The following TVP23A variants were observed in gnomAD, a reference collection of about 807,000 sequenced individuals.
TVP23A encodes the protein trans-golgi network vesicle protein 23 homolog A.
In TVP23A, 21 loss-of-function variants were observed where a neutral mutation model predicts 31.7. That is an observed-to-expected ratio of 0.66 (90% CI 0.47 to 0.95). TVP23A has a LOEUF of 0.95. Among genes scored for constraint, TVP23A ranks in the 40% least tolerant of loss-of-function variants. The pLI is 0.00. For synonymous variants in TVP23A, 104 were observed against 96.0 expected (o/e 1.08, Z -0.49); for missense variants, 279 against 255.6 (o/e 1.09, Z -0.62).
intron 2 of TVP23A, among the ~76,000 whole-genome samples, chr16:10,801,516 G>A (rs984285296): frequency 6.6e-6 from 1 of 152,068 alleles, no homozygotes; most frequent in Non-Finnish European, 1.5e-5. Flanking sequence ...GAGTGCAGTG[G>A]CGCGATCTCA....
chr16:10,757,986 A>G (rs754624544), downstream of TVP23A: 1 of 1,614,066 alleles, frequency 6.2e-7, no homozygotes, highest in East Asian at 2.2e-5. The surrounding 1 kb of genome is among the most constrained non-coding windows in gnomAD (Gnocchi z 4.1). Flanking sequence ...GTACCTGGCC[A>G]CAGCACACAT....
chr16:10,770,185 C>T, intron 7 of TVP23A, 87 bp downstream of exon 7: 1 of 1,511,118 alleles, frequency 6.6e-7, no homozygotes, highest in African/African-American at 1.4e-5. Flanking sequence ...GGGAAGCCCA[C>T]CCAGACCCCG....
At chr16:10,758,350 G>C (rs763822479), downstream of TVP23A, among the ~76,000 whole-genome samples, 2 of 152,106 alleles carry the variant, frequency 1.3e-5, no homozygotes, top group African/African-American at 2.4e-5. Context: ...GCTCGCGCCT[G>C]TAGTTCCAGC....
intron 2 of TVP23A, among the ~76,000 whole-genome samples, chr16:10,795,776 T>A (rs2033355680): frequency 6.6e-6 from 1 of 152,166 alleles, no homozygotes; most frequent in African/African-American, 2.4e-5. Context: ...GCCACCGCCC[T>A]GTCACAATCC....
intron 6 of TVP23A, among the ~76,000 whole-genome samples, chr16:10,770,920 T>C (rs916088299): frequency 6.6e-6 from 1 of 150,632 alleles, no homozygotes; most frequent in Non-Finnish European, 1.5e-5. Context: ...TGTGACTCTT[T>C]CCTTAATTCT....
rs551016290 is a variant in TVP23A at position 10,798,117 on chromosome 16, A to G, written c.89+19986T>C. ...ACTACAGGCACCTGCCACCACGCCC[A>G]GCTAATTTTTTGTATTTTTTTTTTA... On this transcript the variant is annotated intron_variant, in intron 2 of 7. Coordinates refer to ENST00000299866, the MANE Select transcript of TVP23A (RefSeq NM_001079512.4). Among the ~76,000 whole-genome samples, 528 of 151,132 alleles carry G rather than the reference A, an allele frequency of 3.5e-3. 8 individuals are homozygous for G. The highest frequency in any genetic ancestry group is 0.013 in the South Asian group (63 of 4,770).
exon 9 of TVP23A, chr16:10,761,339 A>G (rs1201236221): frequency 6.2e-7 from 1 of 1,606,570 alleles, no homozygotes; most frequent in Non-Finnish European, 8.5e-7. Context: ...TGATGCTGGA[A>G]TCACTGGTCT....
At chr16:10,803,267 G>A (rs907372015) in intron 2 of TVP23A, among the ~76,000 whole-genome samples, 1 of 151,814 alleles carries the variant, frequency 6.6e-6, no homozygotes, top group Admixed American at 6.6e-5. Flanking sequence ...GTGTGTGTGT[G>A]TGTGTGTGTG....
At position 10,781,721 on chromosome 16, in the gene TVP23A, G is replaced by A. The variant is rs543727453; in HGVS notation, c.90-6625C>T. ...CATGGCCTGCTTTTGTAAATGAAGT[G>A]TGGAGTCTTAATTAGGGAGAGTCAG... On this transcript the variant is annotated intron_variant, in intron 2 of 7. Coordinates refer to ENST00000299866, the MANE Select transcript of TVP23A (RefSeq NM_001079512.4). Among the ~76,000 whole-genome samples the A allele has an allele frequency of 4.6e-5, 7 of 152,286 alleles. No homozygotes were observed. The South Asian group carries it at 1.0e-3, about 23-fold the overall frequency.
At chr16:10,796,571 T>C (rs2033400220) in intron 2 of TVP23A, among the ~76,000 whole-genome samples, 1 of 152,104 alleles carries the variant, frequency 6.6e-6, no homozygotes, top group Non-Finnish European at 1.5e-5. Flanking sequence ...TAGCTGGGAC[T>C]ACAGGCGCCC....
At chr16:10,781,795 A>ATC (rs913425905) in intron 2 of TVP23A, among the ~76,000 whole-genome samples, 9 of 151,346 alleles carry the variant, frequency 5.9e-5, no homozygotes, top group African/African-American at 1.7e-4. Context: ...TAAGCTATAA[A>ATC]TCTCCCTCTG....
intron 4 of TVP23A, 124 bp from the exon 5 acceptor site, chr16:10,773,565 GTTGTTTTGTT>G (rs557690650): frequency 2.1e-5 from 27 of 1,258,302 alleles, no homozygotes; most frequent in Non-Finnish European, 2.9e-5. Context: ...TGTTGTTGGT[GTTGTTTTGTT>G]TTGTTTTGTT....
rs764519157 is a variant in TVP23A, at chr16:10,818,150, C to G, written c.42G>C (p.Leu14=). ...ALVDDTEDVS[L]DFGNEEELAF... ...CCAGCTCCTCCTCGTTTCCAAAGTC[C>G]AGGGACACATCCTCGGTATCGTCCA... is the stretch of plus-strand genomic sequence containing the variant. The change falls in exon 2 of 8, where the codon CTG becomes CTC. Residue 14 remains leucine, a synonymous_variant. Coordinates refer to ENST00000299866, the MANE Select transcript of TVP23A (RefSeq NM_001079512.4). The surrounding 1 kb of genome is among the most constrained non-coding windows in gnomAD (Gnocchi z 4.7). 1 of 1,609,178 alleles carries G rather than the reference C, an allele frequency of 6.2e-7. No individual in the cohort carries two copies. The highest frequency in any genetic ancestry group is 8.5e-7 in the Non-Finnish European group (1 of 1,177,956).
intron 2 of TVP23A, among the ~76,000 whole-genome samples, chr16:10,780,728 G>A (rs1411771219): frequency 1.3e-5 from 2 of 152,042 alleles, no homozygotes; most frequent in Non-Finnish European, 2.9e-5. Flanking sequence ...AAAACATCGG[G>A]TGAGGGTGGT....
Position 10,779,155 on chromosome 16 carries a change from CCT to C in TVP23A, c.90-4061_90-4060del, listed in dbSNP as rs1431447445. ...GTTGATAGCTTCCACTTAGCTGGGCCCTGATTAACTCAATGGAAAGTGGTGTT... is the reference window on the plus strand; with the variant it reads ...GTTGATAGCTTCCACTTAGCTGGGCCGATTAACTCAATGGAAAGTGGTGTT... On this transcript the variant is annotated intron_variant, in intron 2 of 7. Transcript: ENST00000299866. This position sits in a 1 kb window ranked among gnomAD's most constrained non-coding sequence, Gnocchi z 4.9. Among the ~76,000 whole-genome samples the C allele has an allele frequency of 6.6e-6, 1 of 152,070 alleles. No homozygotes were observed. Among genetic ancestry groups the C allele is most frequent in the East Asian group, 1.9e-4 (1 of 5,192 alleles).
intron 7 of TVP23A, 107 bp from the exon 8 acceptor site, chr16:10,769,208 A>G: frequency 1.0e-6 from 1 of 977,724 alleles, no homozygotes; most frequent in East Asian, 2.4e-5. Flanking sequence ...GGTCACAGCA[A>G]AAGGACCAGA....
chr16:10,766,765 C>T lies in TVP23A; in HGVS notation c.*2337G>A. ...GCCTGAGAATAGGGGCTCAAAGGCC[C>T]CATTACAGAGTTTTTGTGTTTAAAT... On this transcript the variant is annotated 3_prime_UTR_variant, in exon 8 of 8. Coordinates refer to ENST00000299866, the MANE Select transcript of TVP23A (RefSeq NM_001079512.4). This position sits in a 1 kb window ranked among gnomAD's most constrained non-coding sequence, Gnocchi z 4.8. 1 of 396,468 alleles carries T rather than the reference C, an allele frequency of 2.5e-6. No individual in the cohort carries two copies. Among genetic ancestry groups the T allele is most frequent in the Non-Finnish European group, 4.4e-6 (1 of 225,304 alleles). 24.6% of individuals were successfully genotyped at this position (396,468 alleles called of 1,614,324 possible).
downstream of TVP23A, chr16:10,761,984 G>A: frequency 1.4e-6 from 1 of 710,034 alleles, no homozygotes; most frequent in South Asian, 1.9e-5. Context: ...GGGCGCTGGA[G>A]CCAGACCCAC....
At chr16:10,809,013 G>A (rs548692314) in intron 2 of TVP23A, among the ~76,000 whole-genome samples, 3 of 152,288 alleles carry the variant, frequency 2.0e-5, no homozygotes, top group African/African-American at 7.2e-5. Context: ...AACTCCAGGA[G>A]AACTCCAGTG....
Sources: gnomAD v4.1 joint callset for allele counts (sites outside exome capture counted in the v4.1 genomes callset) on GRCh38, gnomAD v4.1.1 for gene constraint, Gnocchi (gnomAD v3.1) non-coding constraint, MANE v1.5 for transcripts, NCBI Gene and HGNC (gene_info 2026-07-23, HGNC 2026-07-21) for gene names.